DEFB121: variants seen among roughly 807,000 people sequenced by gnomAD.
The protein encoded by DEFB121 is defensin beta 121.
In DEFB121, 5 loss-of-function variants were observed where a neutral mutation model predicts 2.5. That is an observed-to-expected ratio of 1.96 (90% CI 1.03 to 4.13). The LOEUF is 4.13. Ranked by LOEUF, DEFB121 falls within the 30% of genes most tolerant of loss-of-function variation. The pLI is 0.00. For synonymous variants in DEFB121, 39 were observed against 32.6 expected, an observed-to-expected ratio of 1.20 and a Z score of -0.67; for missense variants, 87 against 85.0, an observed-to-expected ratio of 1.02 and a Z score of -0.09.
upstream of DEFB121, among the ~76,000 whole-genome samples, chr20:31,407,864 GCCC>G: frequency 6.6e-6 from 1 of 152,180 alleles, no homozygotes; most frequent in Middle Eastern, 3.4e-3. Flanking sequence ...TGCAACCTCT[GCCC>G]CCCGGGTTCA....
chr20:31,411,413 A>T (rs952556819), intron 1 of DEFB121, among the ~76,000 whole-genome samples: 1 of 152,208 alleles, frequency 6.6e-6, no homozygotes, highest in African/African-American at 2.4e-5. Context: ...TTTTAAAAGG[A>T]TAGAAAACTG....
At chr20:31,411,779 C>T (rs991446024) in intron 1 of DEFB121, among the ~76,000 whole-genome samples, 2 of 152,172 alleles carry the variant, frequency 1.3e-5, no homozygotes, top group Admixed American at 1.3e-4. Context: ...TAAAGGTGTA[C>T]GCAGTTACCT....
intron 1 of DEFB121, chr20:31,412,513 G>T: frequency 5.5e-6 from 4 of 730,672 alleles, no homozygotes; most frequent in Non-Finnish European, 8.2e-6. Flanking sequence ...GCAGAGGTTT[G>T]CTGTGAAGAT....
chr20:31,415,401 C>G (rs556941231), upstream of DEFB121, among the ~76,000 whole-genome samples: 178 of 152,182 alleles, frequency 1.2e-3, 1 homozygote, highest in African/African-American at 4.0e-3. Flanking sequence ...AGGCACCAGC[C>G]ACCATGCCTG....
At chr20:31,407,864 GC>G (rs1978533555), upstream of DEFB121, among the ~76,000 whole-genome samples, 2 of 152,064 alleles carry the variant, frequency 1.3e-5, no homozygotes, top group Non-Finnish European at 2.9e-5. Flanking sequence ...TGCAACCTCT[GC>G]CCCCCGGGTT....
At chr20:31,406,391 G>A, upstream of DEFB121, 1 of 761,700 alleles carries the variant, frequency 1.3e-6, no homozygotes, top group Non-Finnish European at 1.8e-6. Flanking sequence ...AGAAGATACG[G>A]CCTTGCCTCT....
upstream of DEFB121, among the ~76,000 whole-genome samples, chr20:31,416,670 T>C (rs958804467): frequency 2.6e-5 from 4 of 152,216 alleles, no homozygotes; most frequent in Admixed American, 6.5e-5. Context: ...ATTCCATCAC[T>C]GGACGCCTCT....
In DEFB121 at chr20:31,404,909, G is replaced by T; in HGVS notation, c.*4C>A. 6.2e-7 allele frequency: 1 copy of T among 1,613,590 alleles called. No individual in the cohort carries two copies. The highest frequency in any genetic ancestry group is 1.3e-5 in the African/African-American group (1 of 75,034). On this transcript the variant is annotated 3_prime_UTR_variant, in exon 2 of 2. Coordinates refer to ENST00000376314, the MANE Select transcript of DEFB121 (RefSeq NM_001011878.3). ...TGTTGAGACTCAAGGTTGGAAGAGA[G>T]GTGTCAGACTGCAGAAGTTGATTCC...
upstream of DEFB121, among the ~76,000 whole-genome samples, chr20:31,417,360 A>C (rs1398560350): frequency 6.6e-6 from 1 of 152,154 alleles, no homozygotes; most frequent in African/African-American, 2.4e-5. Context: ...GAAAGAAAGA[A>C]GAAAAACCAG....
At chr20:31,405,980 G>A (rs1568738703) in intron 1 of DEFB121, 115 bp downstream of exon 1, 3 of 1,118,752 alleles carry the variant, frequency 2.7e-6, no homozygotes, top group Non-Finnish European at 3.9e-6. Flanking sequence ...CTACCTAAAG[G>A]CCTCAATGAG....
rs531585714 is a variant in DEFB121 at position 31,405,099 on chromosome 20, G to A, written c.59-14C>T. The A allele has an allele frequency of 6.3e-7, 1 of 1,590,522 alleles. No individual in the cohort carries two copies. The highest frequency in any genetic ancestry group is 2.2e-5 in the East Asian group (1 of 44,478). The stretch of plus-strand genomic sequence containing the variant: ...AACATTTCATGACTGAAAACAAAAG[G>A]GAAGAAGAGAATAGAGTCAGTTTTG... On this transcript the variant is annotated splice_polypyrimidine_tract_variant and intron_variant, in intron 1 of 1. Coordinates refer to ENST00000376314, the MANE Select transcript of DEFB121 (RefSeq NM_001011878.3).
upstream of DEFB121, among the ~76,000 whole-genome samples, chr20:31,415,547 C>T (rs2376858): frequency 0.53 from 80,010 of 151,912 alleles, 21,446 homozygotes; most frequent in East Asian, 0.74. Context: ...ACCATGCCGG[C>T]GATGAACACT....
At chr20:31,412,817 G>A (rs1978701803) in exon 1 of DEFB121, 1 of 472,752 alleles carries the variant, frequency 2.1e-6, no homozygotes, top group Non-Finnish European at 3.7e-6. Flanking sequence ...GGCTCACCCA[G>A]AGTCGAGGCT....
upstream of DEFB121, among the ~76,000 whole-genome samples, chr20:31,416,904 C>T (rs1021496651): frequency 6.6e-6 from 1 of 152,178 alleles, no homozygotes; most frequent in African/African-American, 2.4e-5. Context: ...TTCTCTTATA[C>T]TGGTGAGGCC....
chr20:31,416,385 C>G (rs1340176617), upstream of DEFB121, among the ~76,000 whole-genome samples: 1 of 152,068 alleles, frequency 6.6e-6, no homozygotes, highest in African/African-American at 2.4e-5. Context: ...AACTGAGCAG[C>G]TCTACTTTGA....
At chr20:31,406,396 G>T, upstream of DEFB121, 3 of 690,208 alleles carry the variant, frequency 4.3e-6, no homozygotes, top group Non-Finnish European at 5.9e-6. Context: ...ATACGGCCTT[G>T]CCTCTGAAGA....
At chr20:31,418,091 T>C in the DEFB121 span, among the ~76,000 whole-genome samples, 1,260 of 147,350 alleles carry the variant, frequency 8.6e-3, 16 homozygotes, top group Non-Finnish European at 0.014. Flanking sequence ...AAACCCCGTC[T>C]CTACTAAAAA....
upstream of DEFB121, chr20:31,406,410 T>C (rs1978483666): frequency 3.6e-6 from 2 of 561,880 alleles, no homozygotes; most frequent in East Asian, 8.9e-5. Flanking sequence ...CTGAAGAATT[T>C]TATAATACAG....
chr20:31,412,508 G>C, intron 1 of DEFB121: 1 of 663,020 alleles, frequency 1.5e-6, no homozygotes, highest in Non-Finnish European at 2.3e-6. Flanking sequence ...TGACAGCAGA[G>C]GTTTGCTGTG....
Sources: allele counts gnomAD v4.1 joint callset (sites outside exome capture counted in the v4.1 genomes callset), GRCh38; gene constraint gnomAD v4.1.1; transcripts MANE v1.5; gene names NCBI Gene and HGNC (gene_info 2026-07-23, HGNC 2026-07-21).